Variants in NEDD4L observed in about 807,000 individuals in gnomAD.
NEDD4L encodes E3 ubiquitin-protein ligase NEDD4-like.
A neutral mutation model predicts 148.9 loss-of-function variants in NEDD4L; 54 were observed. The observed-to-expected ratio is 0.36, with a 90% CI of 0.29 to 0.45. NEDD4L has a LOEUF of 0.45. NEDD4L is among the 20% of genes least tolerant of loss of function. The pLI is 1.00. For synonymous variants in NEDD4L, 433 were observed against 440.7 expected (o/e 0.98, Z 0.22); for missense variants, 856 against 1,233.8 (o/e 0.69, Z 4.59).
rs1471174316 is a variant in NEDD4L, at chr18:58,069,159, A to AT, written c.48+24452dup. ...TCCAAAAAAAAAAAAAAAAAAAAAAATAGGAAAGAAAATATATGTTCCCCT... is the reference window on the plus strand; with the variant it reads ...TCCAAAAAAAAAAAAAAAAAAAAAAATTAGGAAAGAAAATATATGTTCCCCT... On this transcript the variant is annotated intron_variant, in intron 1 of 30. Coordinates refer to ENST00000400345, the MANE Select transcript of NEDD4L (RefSeq NM_001144967.3). Among the ~76,000 whole-genome samples, 57 of 148,552 alleles carry AT rather than the reference A, an allele frequency of 3.8e-4. 1 individual carries two copies. The highest frequency in any genetic ancestry group is 1.4e-3 in the African/African-American group (56 of 39,034).
chr18:58,388,897 G>A (rs1029624889), intron 27 of NEDD4L, 188 bp from the exon 28 acceptor site: 28 of 610,358 alleles, frequency 4.6e-5, no homozygotes, highest in African/African-American at 3.8e-4. Context: ...CCTCGTGACT[G>A]CTGCCTCTGT....
At position 58,081,212 on chromosome 18, in the gene NEDD4L, CTTTTTTTT is replaced by C. The variant is rs34446805; in HGVS notation, c.48+36518_48+36525del. 2.2e-3 allele frequency among the ~76,000 whole-genome samples: 263 copies of C among 120,828 alleles called. 1 individual carries two copies. Among genetic ancestry groups the C allele is most frequent in the African/African-American group, 9.3e-3 (240 of 25,890 alleles). The allele number at this position is 120,828 out of a possible 152,430, so 79.3% of individuals were successfully genotyped here. On this transcript the variant is annotated intron_variant, in intron 1 of 30. Transcript: ENST00000400345. Reference sequence around the variant, plus strand: ...CCAAATGAAATTTTGGAACACCACCCTTTTTTTTTTTTTTTTTTTTTGAGATGGAGTCA... The same window carrying C: ...CCAAATGAAATTTTGGAACACCACCCTTTTTTTTTTTTTGAGATGGAGTCA...
intron 5 of NEDD4L, among the ~76,000 whole-genome samples, chr18:58,283,223 A>T (rs915004851): frequency 5.3e-5 from 8 of 152,046 alleles, no homozygotes; most frequent in Non-Finnish European, 1.0e-4. Context: ...TTACAGGTGC[A>T]CGCCACCACA....
intron 5 of NEDD4L, among the ~76,000 whole-genome samples, chr18:58,257,919 T>C (rs1193722095): frequency 6.6e-6 from 1 of 152,206 alleles, no homozygotes; most frequent in Admixed American, 6.5e-5. Context: ...GACTTTTCTT[T>C]GGATTTCACT....
chr18:58,267,648 C>T (rs1462106462), intron 5 of NEDD4L, among the ~76,000 whole-genome samples: 1 of 151,998 alleles, frequency 6.6e-6, no homozygotes, highest in Non-Finnish European at 1.5e-5. Context: ...GTTGCAATGC[C>T]TAGAAAATGG....
At chr18:58,349,036 T>C (rs1259210260) in intron 16 of NEDD4L, among the ~76,000 whole-genome samples, 1 of 152,142 alleles carries the variant, frequency 6.6e-6, no homozygotes, top group Admixed American at 6.5e-5. Context: ...ACAGACCAGA[T>C]TGACATTCTC....
intron 1 of NEDD4L, among the ~76,000 whole-genome samples, chr18:58,116,873 G>C (rs955070196): frequency 1.3e-5 from 2 of 152,224 alleles, no homozygotes; most frequent in African/African-American, 4.8e-5. Flanking sequence ...AGCAAGGAGC[G>C]GGGGCTTGGC....
intron 1 of NEDD4L, among the ~76,000 whole-genome samples, chr18:58,150,418 G>A (rs906764660): frequency 1.3e-5 from 2 of 152,164 alleles, no homozygotes; most frequent in South Asian, 2.1e-4. Context: ...TAGTTACAGG[G>A]TTTCTCCATG....
At chr18:58,195,803 C>T (rs2040619554) in intron 2 of NEDD4L, 2 of 1,001,144 alleles carry the variant, frequency 2.0e-6, no homozygotes, top group Non-Finnish European at 2.8e-6. Flanking sequence ...AGAAGGTTCT[C>T]TTACCGTGAA....
chr18:58,270,285 A>G (rs1410496107), intron 5 of NEDD4L, among the ~76,000 whole-genome samples: 1 of 152,222 alleles, frequency 6.6e-6, no homozygotes, highest in Non-Finnish European at 1.5e-5. Context: ...GAGGAAAAAG[A>G]CTGAAAAGGT....
chr18:58,289,962 T>C (rs994820449), intron 5 of NEDD4L, among the ~76,000 whole-genome samples: 1 of 152,282 alleles, frequency 6.6e-6, no homozygotes, highest in African/African-American at 2.4e-5. Flanking sequence ...TCAGAGACTT[T>C]ATTTCATATT....
intron 2 of NEDD4L, among the ~76,000 whole-genome samples, chr18:58,200,556 G>A (rs527939258): frequency 4.6e-5 from 7 of 152,266 alleles, no homozygotes; most frequent in East Asian, 1.9e-4. Flanking sequence ...CACTATTTTC[G>A]TATTAAGATA....
chr18:58,328,243 G>C (rs1231175393), intron 9 of NEDD4L, among the ~76,000 whole-genome samples: 2 of 152,192 alleles, frequency 1.3e-5, no homozygotes, highest in African/African-American at 4.8e-5. Context: ...GGGATTACAG[G>C]CATGAGCCAC....
chr18:58,265,640 C>T (rs1051774264), intron 5 of NEDD4L, among the ~76,000 whole-genome samples: 1 of 152,058 alleles, frequency 6.6e-6, no homozygotes, highest in Non-Finnish European at 1.5e-5. Flanking sequence ...AGATGGCTCA[C>T]TGCCACCTCC....
chr18:58,144,918 C>T (rs1176427041), intron 1 of NEDD4L, among the ~76,000 whole-genome samples: 1 of 152,144 alleles, frequency 6.6e-6, no homozygotes, highest in Admixed American at 6.5e-5. Flanking sequence ...AGTCAGGGCC[C>T]AACAGAGGGA....
intron 2 of NEDD4L, among the ~76,000 whole-genome samples, chr18:58,191,115 T>A (rs2040062555): frequency 6.6e-6 from 1 of 152,158 alleles, no homozygotes; most frequent in Non-Finnish European, 1.5e-5. Flanking sequence ...ACTCTGTCTC[T>A]AAAAGTATAA....
rs968257095 is a variant in NEDD4L, at chr18:58,330,825, C to T, written c.901C>T (p.Arg301Trp). ...CCCACCACCGGCCTCCCCAGGATCT[C>T]GGACCAGCCCTCAGGAGCTGTCAGA... is the stretch of plus-strand genomic sequence containing the variant. ...LPPPPASPGS[R>W]TSPQELSEEL... Residue 301 changes from arginine to tryptophan, a missense_variant, in exon 11 of 31, where the codon CGG (arginine) becomes TGG (tryptophan). By Grantham distance (101) the Arg-to-Trp change is moderately radical. Transcript: ENST00000400345. The T allele has an allele frequency of 2.5e-6, 4 of 1,613,854 alleles. No homozygotes were observed. The highest frequency in any genetic ancestry group is 1.7e-5 in the Admixed American group (1 of 60,008).
chr18:58,169,345 C>A (rs1489680057), intron 2 of NEDD4L, among the ~76,000 whole-genome samples: 3 of 152,138 alleles, frequency 2.0e-5, no homozygotes, highest in Non-Finnish European at 4.4e-5. Context: ...TTGGATCATA[C>A]CTTGAGGACA....
At chr18:58,072,697 A>G (rs758700274) in intron 1 of NEDD4L, among the ~76,000 whole-genome samples, 22 of 152,298 alleles carry the variant, frequency 1.4e-4, no homozygotes, top group South Asian at 8.3e-4. Flanking sequence ...CACCACTTCT[A>G]TGTAGCATTG....
Sources: allele counts gnomAD v4.1 joint callset (sites outside exome capture counted in the v4.1 genomes callset), GRCh38; gene constraint gnomAD v4.1.1; transcripts MANE v1.5; gene names NCBI Gene and HGNC (gene_info 2026-07-23, HGNC 2026-07-21).